Variants in STAT3 observed in about 807,000 individuals in gnomAD.
The protein encoded by STAT3 is DNA-binding protein APRF.
Under a neutral mutation model 114.3 loss-of-function variants are expected in STAT3, and 7 were observed. That is an observed-to-expected ratio of 0.06 (90% CI 0.03 to 0.11). STAT3 has a LOEUF of 0.11. Among genes scored for constraint, STAT3 ranks in the 10% least tolerant of loss-of-function variants. The pLI is 1.00. For missense variants in STAT3, 364 were observed against 960.9 expected, an observed-to-expected ratio of 0.38 and a Z score of 8.21; for synonymous variants, 331 against 354.5, an observed-to-expected ratio of 0.93 and a Z score of 0.74.
Position 42,348,548 on chromosome 17 carries a change from C to A in STAT3, c.-23-9G>T. 1 of 1,612,512 alleles carries A rather than the reference C, an allele frequency of 6.2e-7. No homozygotes were observed. The highest frequency in any genetic ancestry group is 8.5e-7 in the Non-Finnish European group (1 of 1,179,898). ...AAAATCAGGGGTCCCAACTGTAAAC[C>A]AAAGTGTGCATATGTTCACCACAAG... On this transcript the variant is annotated splice_polypyrimidine_tract_variant and intron_variant, in intron 1 of 23. Coordinates refer to ENST00000264657, the MANE Select transcript of STAT3 (RefSeq NM_139276.3).
chr17:42,357,660 G>A (rs1032730246), intron 1 of STAT3, among the ~76,000 whole-genome samples: 2 of 151,838 alleles, frequency 1.3e-5, no homozygotes, highest in South Asian at 4.2e-4. Flanking sequence ...CGACAAGAGC[G>A]AAACTCCATC....
chr17:42,316,159 CT>C, intron 23 of STAT3: 2 of 1,004,636 alleles, frequency 2.0e-6, no homozygotes, highest in South Asian at 4.5e-5. Context: ...TGTGCTGTGG[CT>C]GTCAAAAGCC....
chr17:42,325,623 G>A (rs1004027895), intron 15 of STAT3, among the ~76,000 whole-genome samples: 3 of 150,334 alleles, frequency 2.0e-5, no homozygotes, highest in Non-Finnish European at 4.4e-5. Context: ...GGAGTGCAAT[G>A]GCACAATCTC....
intron 1 of STAT3, among the ~76,000 whole-genome samples, chr17:42,350,343 G>A (rs2082886591): frequency 6.6e-6 from 1 of 152,174 alleles, no homozygotes; most frequent in South Asian, 2.1e-4. Flanking sequence ...GTGCGATCGT[G>A]GAACCTCTAA....
chr17:42,381,797 G>T (rs1265539079), intron 1 of STAT3, among the ~76,000 whole-genome samples: 1 of 151,404 alleles, frequency 6.6e-6, no homozygotes, highest in Non-Finnish European at 1.5e-5. Flanking sequence ...AACAGAAAGG[G>T]CTGCAAAAAA....
chr17:42,380,805 C>T (rs1468670336), intron 1 of STAT3, among the ~76,000 whole-genome samples: 2 of 152,124 alleles, frequency 1.3e-5, no homozygotes, highest in Non-Finnish European at 2.9e-5. Flanking sequence ...CCCAGCTACC[C>T]CGAAGGCTGA....
At chr17:42,353,617 C>G (rs1324100521) in intron 1 of STAT3, among the ~76,000 whole-genome samples, 2 of 152,114 alleles carry the variant, frequency 1.3e-5, no homozygotes, top group Non-Finnish European at 2.9e-5. Context: ...CTCTGTCACC[C>G]AGGCTGGAGT....
Position 42,333,820 on chromosome 17 carries a change from G to A in STAT3, c.957-55C>T, listed in dbSNP as rs1004330489. 97 of 1,613,822 alleles carry A rather than the reference G, an allele frequency of 6.0e-5. No homozygotes were observed. Among genetic ancestry groups the A allele is most frequent in the Non-Finnish European group, 7.8e-5 (92 of 1,179,818 alleles). On this transcript the variant is annotated intron_variant, in intron 9 of 23. Coordinates refer to ENST00000264657, the MANE Select transcript of STAT3 (RefSeq NM_139276.3). The surrounding 1 kb of genome is among the most constrained non-coding windows in gnomAD (Gnocchi z 5.2). ...CACGGCCATGACCAGAAGTCAGCCC[G>A]CCTCTCACTCTACCACGTGAGTCTT...
intron 1 of STAT3, among the ~76,000 whole-genome samples, chr17:42,349,334 T>C (rs2145024596): frequency 6.6e-6 from 1 of 152,386 alleles, no homozygotes; most frequent in South Asian, 2.1e-4. Context: ...GAGATATTCC[T>C]ACAGCATCCA....
At chr17:42,338,980 A>G (rs1380349184) in intron 5 of STAT3, among the ~76,000 whole-genome samples, 168 bp from the exon 6 acceptor site, 3 of 152,186 alleles carry the variant, frequency 2.0e-5, no homozygotes, top group African/African-American at 7.2e-5. Context: ...GGCCAGGTGC[A>G]GTGGCTCACG....
chr17:42,353,376 A>AG (rs11408645), intron 1 of STAT3, among the ~76,000 whole-genome samples: 37,134 of 141,312 alleles, frequency 0.26, 5,078 homozygotes, highest in South Asian at 0.36. Context: ...GAAAGAAAGA[A>AG]AGAAGAGAAA....
At chr17:42,322,880 T>TCTGAGTGAAACA in intron 20 of STAT3, 124 bp downstream of exon 20, 1 of 1,388,786 alleles carries the variant, frequency 7.2e-7, no homozygotes, top group Non-Finnish European at 1.0e-6. Flanking sequence ...GTTTTGCGAG[T>TCTGAGTGAAACA]CTGAGTGAAA....
chr17:42,326,451 C>T (rs1243537430), intron 14 of STAT3, among the ~76,000 whole-genome samples: 2 of 151,692 alleles, frequency 1.3e-5, no homozygotes, highest in Non-Finnish European at 2.9e-5. Flanking sequence ...GAGGCTGCAG[C>T]GAGCTATGAT....
chr17:42,363,104 G>GA (rs1479375991), intron 1 of STAT3, among the ~76,000 whole-genome samples: 1 of 152,140 alleles, frequency 6.6e-6, no homozygotes, highest in Non-Finnish European at 1.5e-5. Context: ...AATAGGTGCT[G>GA]AAAAAATAGG....
At position 42,315,770 on chromosome 17, in the gene STAT3, G is replaced by A. The variant is rs140604473; in HGVS notation, c.2288C>T (p.Ser763Leu). 5.9e-5 allele frequency: 95 copies of A among 1,614,084 alleles called. No individual in the cohort carries two copies. Among genetic ancestry groups the A allele is most frequent in the Non-Finnish European group, 7.3e-5 (86 of 1,180,018 alleles). ...TCACATGGGGGAGGTAGCGCACTCC[G>A]AGGTCAACTCCATGTCAAAGGTGAG... Reference protein sequence around the residue: ...ESLTFDMELTSECATSPM With the variant: ...ESLTFDMELTLECATSPM Residue 763 changes from serine to leucine, a missense_variant, in exon 24 of 24, where the codon TCG becomes TTG. By Grantham distance (145) the Ser-to-Leu change is moderately radical. This residue lies in a region of STAT3 where 37 missense variants were observed against 66.5 expected (regional missense o/e 0.56). Transcript: ENST00000264657.
At chr17:42,356,949 G>A (rs929751038) in intron 1 of STAT3, among the ~76,000 whole-genome samples, 6 of 152,018 alleles carry the variant, frequency 3.9e-5, no homozygotes, top group African/African-American at 7.3e-5. Flanking sequence ...CATCATACCC[G>A]GCTAATTTTT....
chr17:42,321,681 C>A (rs765880932), intron 21 of STAT3, among the ~76,000 whole-genome samples: 7 of 152,190 alleles, frequency 4.6e-5, no homozygotes, highest in Non-Finnish European at 8.8e-5. Flanking sequence ...GGCAAAAAGC[C>A]ATATGCTGGG....
chr17:42,341,148 A>G (rs937002952), intron 4 of STAT3, among the ~76,000 whole-genome samples: 15 of 152,196 alleles, frequency 9.9e-5, no homozygotes, highest in African/African-American at 3.4e-4. Context: ...CTCAAGCAGG[A>G]CTACACTTAA....
At chr17:42,372,657 G>C (rs951633872) in intron 1 of STAT3, among the ~76,000 whole-genome samples, 1 of 152,068 alleles carries the variant, frequency 6.6e-6, no homozygotes, top group African/African-American at 2.4e-5. Flanking sequence ...AAAATCCATA[G>C]AATGCTCAAC....
Sources: gnomAD v4.1 joint callset for allele counts (sites outside exome capture counted in the v4.1 genomes callset) on GRCh38, gnomAD v4.1.1 for gene constraint, gnomAD v4.1.1 regional missense constraint, Gnocchi (gnomAD v3.1) non-coding constraint, MANE v1.5 for transcripts, NCBI Gene and HGNC (gene_info 2026-07-23, HGNC 2026-07-21) for gene names.